PCDH11X: variants seen among roughly 807,000 people sequenced by gnomAD.
PCDH11X encodes the protein protocadherin-11 X-linked.
A neutral mutation model predicts 53.3 loss-of-function variants in PCDH11X; 18 were observed. That is an observed-to-expected ratio of 0.34 (90% CI 0.23 to 0.50). The LOEUF is 0.50. Among genes scored for constraint, PCDH11X ranks in the 20% least tolerant of loss-of-function variants. The pLI is 0.98. For missense variants in PCDH11X, 570 were observed against 1,032.4 expected, an observed-to-expected ratio of 0.55 and a Z score of 6.14; for synonymous variants, 279 against 393.3, an observed-to-expected ratio of 0.71 and a Z score of 3.44.
At chrX:91,892,962 T>C in intron 6 of PCDH11X, among the ~76,000 whole-genome samples, 1 of 110,091 alleles carries the variant, frequency 9.1e-6, no homozygotes, top group East Asian at 2.9e-4. Flanking sequence ...AAGAACACAA[T>C]TTTAATACCA....
At chrX:92,027,200 CAAT>C (rs1485771918) in intron 6 of PCDH11X, among the ~76,000 whole-genome samples, 5 of 110,958 alleles carry the variant, frequency 4.5e-5, no homozygotes, top group African/African-American at 1.3e-4. Context: ...GAATGTGTCT[CAAT>C]GATAGTGTCA....
intron 8 of PCDH11X, among the ~76,000 whole-genome samples, chrX:92,263,654 T>G (rs1198920013): frequency 8.9e-6 from 1 of 111,862 alleles, no homozygotes; most frequent in Non-Finnish European, 1.9e-5. Context: ...TAAGTTCTGC[T>G]CAAGTATAGG....
chrX:91,894,222 A>G (rs1357133215), intron 6 of PCDH11X, among the ~76,000 whole-genome samples: 1 of 111,947 alleles, frequency 8.9e-6, no homozygotes, highest in African/African-American at 3.2e-5. Flanking sequence ...CTCAGTTACA[A>G]CTATAGAGAA....
intron 6 of PCDH11X, among the ~76,000 whole-genome samples, chrX:92,185,822 T>A (rs1294316918): frequency 1.9e-5 from 2 of 103,958 alleles, no homozygotes; most frequent in Non-Finnish European, 4.0e-5. Context: ...GAATACCTAT[T>A]AAAAAAAAAA....
chrX:92,142,343 A>G (rs2065194405), intron 6 of PCDH11X, among the ~76,000 whole-genome samples: 1 of 102,396 alleles, frequency 9.8e-6, no homozygotes, highest in South Asian at 4.7e-4. Flanking sequence ...TTTAGTAGAG[A>G]CAGTTGGTCC....
At chrX:92,029,589 T>C (rs1350997725) in intron 6 of PCDH11X, among the ~76,000 whole-genome samples, 1 of 111,202 alleles carries the variant, frequency 9.0e-6, no homozygotes, top group Non-Finnish European at 1.9e-5. Context: ...CACACACACT[T>C]CCTTTAGTTT....
chrX:92,543,916 C>T (rs2148740757), intron 10 of PCDH11X, among the ~76,000 whole-genome samples: 1 of 107,870 alleles, frequency 9.3e-6, no homozygotes, highest in Admixed American at 1.0e-4. Flanking sequence ...TATAGACACG[C>T]TAATATAACA....
At position 92,020,412 on chromosome X, in the gene PCDH11X, A is replaced by G. The variant is rs374539956; in HGVS notation, c.3033+141139A>G. Among the ~76,000 whole-genome samples the G allele has an allele frequency of 4.4e-4, 49 of 111,721 alleles. No individual in the cohort carries two copies. The East Asian group carries it at 9.5e-3, about 22-fold the overall frequency. ...AGAGGTATCCCCCACAGCCCAACAC[A>G]CCAGTTGTGGCAGACTGCGGCCAGA... On this transcript the variant is annotated intron_variant, in intron 6 of 10. Transcript: ENST00000682573.
chrX:92,369,452 G>T (rs994207255), intron 8 of PCDH11X, among the ~76,000 whole-genome samples: 64 of 111,786 alleles, frequency 5.7e-4, no homozygotes, highest in African/African-American at 2.0e-3. Flanking sequence ...GCTGGGCTCC[G>T]TGGGAGTGGG....
intron 6 of PCDH11X, among the ~76,000 whole-genome samples, chrX:92,174,769 A>C (rs1295283118): frequency 9.0e-6 from 1 of 111,581 alleles, no homozygotes; most frequent in Non-Finnish European, 1.9e-5. Context: ...TTAAGTTGTT[A>C]AACTATCCAA....
chrX:92,504,818 T>C (rs1364304637), intron 10 of PCDH11X, among the ~76,000 whole-genome samples: 1 of 111,466 alleles, frequency 9.0e-6, no homozygotes, highest in Non-Finnish European at 1.9e-5. Context: ...TGTTATTTTA[T>C]GGTTTTTAAT....
chrX:92,152,799 T>TATG (rs2065461845), intron 6 of PCDH11X, among the ~76,000 whole-genome samples: 16 of 96,986 alleles, frequency 1.6e-4, no homozygotes, highest in South Asian at 9.5e-4. Flanking sequence ...ATGTATGTAT[T>TATG]TATTTATTTA....
intron 6 of PCDH11X, among the ~76,000 whole-genome samples, chrX:92,020,265 T>C (rs986199175): frequency 9.8e-5 from 11 of 112,064 alleles, no homozygotes; most frequent in East Asian, 5.7e-4. Flanking sequence ...GCAGCCAGCA[T>C]TGGGACTAAT....
intron 6 of PCDH11X, among the ~76,000 whole-genome samples, chrX:92,132,689 A>ATATATATATG (rs1569376879): frequency 3.5e-4 from 23 of 65,278 alleles, no homozygotes; most frequent in African/African-American, 1.5e-3. Context: ...ATATATATGT[A>ATATATATATG]TATATATATA....
intron 7 of PCDH11X, among the ~76,000 whole-genome samples, chrX:92,226,139 C>T (rs2066966924): frequency 9.0e-6 from 1 of 111,443 alleles, no homozygotes. Flanking sequence ...TCGTAAGTGC[C>T]TTGGCCAACA....
rs34368930 is a variant in PCDH11X, at chrX:92,537,215, AT to A, written c.3367+68906del. Among the ~76,000 whole-genome samples, 862 of 94,955 alleles carry A rather than the reference AT, an allele frequency of 9.1e-3. 5 individuals carry two copies. The highest frequency in any genetic ancestry group is 0.07 in the South Asian group (147 of 2,115). 82.5% of individuals were successfully genotyped at this position (94,955 alleles called of 115,157 possible). A position where few individuals can be genotyped will look rare whatever the true frequency, so the allele number is the denominator to read the frequency against. On this transcript the variant is annotated intron_variant, in intron 10 of 10. Transcript: ENST00000682573. ...TAACTTTACGTGATCCCATTTGTCC[AT>A]TTTTTTTTTTTTGCTTCATTTCCTT...
intron 5 of PCDH11X, among the ~76,000 whole-genome samples, chrX:91,854,529 G>A (rs778972338): frequency 8.9e-6 from 1 of 112,330 alleles, no homozygotes; most frequent in African/African-American, 3.2e-5. Context: ...CAATGGGATT[G>A]CTGGATTGTA....
At chrX:92,128,857 G>T (rs1336071703) in intron 6 of PCDH11X, among the ~76,000 whole-genome samples, 1 of 109,842 alleles carries the variant, frequency 9.1e-6, no homozygotes, top group East Asian at 2.9e-4. Context: ...GTTTTCTCAG[G>T]TGATATAATT....
chrX:92,218,998 A>C lies in PCDH11X; in HGVS notation c.3114+17543A>C, dbSNP rs1363486808. Among the ~76,000 whole-genome samples the C allele has an allele frequency of 7.6e-4, 82 of 108,379 alleles. 1 individual carries two copies. The highest frequency in any genetic ancestry group is 6.5e-3 in the Admixed American group (66 of 10,175). The allele number at this position is 108,379 out of a possible 115,157, so 94.1% of individuals were successfully genotyped here. A position where few individuals can be genotyped will look rare whatever the true frequency, so the allele number is the denominator to read the frequency against. ...AAGGCCTTTGACAAAATTCAACAAC[A>C]CTTCATGCTAAAAACTCTCAATAAA... On this transcript the variant is annotated intron_variant, in intron 7 of 10. Transcript: ENST00000682573.
Sources: allele counts gnomAD v4.1 joint callset (sites outside exome capture counted in the v4.1 genomes callset), GRCh38; gene constraint gnomAD v4.1.1; transcripts MANE v1.5; gene names NCBI Gene and HGNC (gene_info 2026-07-23, HGNC 2026-07-21).